NRG1: variants seen among roughly 807,000 people sequenced by gnomAD.
NRG1 encodes the protein neuregulin 1.
In NRG1, 18 loss-of-function variants were observed where a neutral mutation model predicts 63.8. The ratio of observed to expected loss-of-function variants is 0.28; its 90% confidence interval spans 0.19 to 0.42. The LOEUF is 0.42. NRG1 is among the 10% of genes least tolerant of loss of function. NRG1 has a pLI of 1.00. For synonymous variants in NRG1, 302 were observed against 301.3 expected (o/e 1.00, Z -0.02); for missense variants, 762 against 814.7 (o/e 0.94, Z 0.79).
intron 1 of NRG1, among the ~76,000 whole-genome samples, chr8:32,341,324 G>A (rs1804046553): frequency 6.6e-6 from 1 of 152,184 alleles, no homozygotes; most frequent in African/African-American, 2.4e-5. Flanking sequence ...CACTTAGCAG[G>A]CAGATGGAAA....
chr8:31,668,415 G>T (rs1355821334), intron 1 of NRG1, among the ~76,000 whole-genome samples: 1 of 152,156 alleles, frequency 6.6e-6, no homozygotes, highest in African/African-American at 2.4e-5. Context: ...TCCAGGATGG[G>T]TAGTAACAGA....
chr8:31,909,918 G>A (rs191776144), intron 1 of NRG1, among the ~76,000 whole-genome samples: 83 of 152,248 alleles, frequency 5.5e-4, no homozygotes, highest in African/African-American at 1.8e-3. Flanking sequence ...CACTCTTCGT[G>A]ATGTGAGGTC....
intron 8 of NRG1, among the ~76,000 whole-genome samples, chr8:32,755,571 G>A (rs961083626): frequency 4.6e-5 from 7 of 152,230 alleles, no homozygotes; most frequent in Middle Eastern, 3.4e-3. Context: ...CGTTACCAGA[G>A]TAGGAACATG....
chr8:32,321,510 G>GTT (rs540239875), intron 1 of NRG1, among the ~76,000 whole-genome samples: 2 of 143,528 alleles, frequency 1.4e-5, no homozygotes, highest in Non-Finnish European at 3.0e-5. Flanking sequence ...ACAGCAGTGG[G>GTT]TTTTTTTTTT....
chr8:31,798,003 G>A (rs1169952380), intron 1 of NRG1, among the ~76,000 whole-genome samples: 3 of 152,134 alleles, frequency 2.0e-5, no homozygotes, highest in Non-Finnish European at 2.9e-5. Flanking sequence ...GTAGTAGAGA[G>A]TAGAATTGTG....
chr8:31,911,949 A>T (rs187362594), intron 1 of NRG1, among the ~76,000 whole-genome samples: 434 of 152,302 alleles, frequency 2.8e-3, no homozygotes, highest in Non-Finnish European at 3.9e-3. Flanking sequence ...CTTGGTTTGC[A>T]GTCCCGGATT....
intron 1 of NRG1, among the ~76,000 whole-genome samples, chr8:32,389,195 C>T (rs1811406632): frequency 6.6e-6 from 1 of 152,106 alleles, no homozygotes; most frequent in African/African-American, 2.4e-5. Flanking sequence ...TGCGAAGAAA[C>T]GTAAACCAAA....
intron 1 of NRG1, among the ~76,000 whole-genome samples, chr8:31,773,142 G>T (rs944543729): frequency 2.0e-5 from 3 of 152,178 alleles, no homozygotes; most frequent in Non-Finnish European, 2.9e-5. Flanking sequence ...AGACAAACTT[G>T]CTCTGGTATT....
At chr8:32,562,065 G>A (rs936195906) in intron 1 of NRG1, among the ~76,000 whole-genome samples, 3 of 152,216 alleles carry the variant, frequency 2.0e-5, no homozygotes, top group Admixed American at 1.3e-4. Context: ...TTATAGCAGG[G>A]AGGAGCTTTG....
rs1820369496 is a variant in NRG1 at position 32,447,182 on chromosome 8, G to A, written c.38-148646G>A. Among the ~76,000 whole-genome samples the A allele has an allele frequency of 2.0e-5, 3 of 151,372 alleles. No individual in the cohort carries two copies. In the East Asian group the frequency reaches 5.9e-4, roughly 30 times the overall value. On this transcript the variant is annotated intron_variant, in intron 1 of 10. Transcript: ENST00000519301. ...TTACAGGCGCCCACCACCACACCCG[G>A]CTAATTTTTTTTTTGTATTTTTAGT...
intron 1 of NRG1, among the ~76,000 whole-genome samples, chr8:32,250,768 C>T (rs566375046): frequency 8.6e-5 from 13 of 151,852 alleles, no homozygotes; most frequent in Non-Finnish European, 1.9e-4. Context: ...TGGCAGATTC[C>T]TATAAATATT....
At chr8:32,346,403 A>C (rs183793294) in intron 1 of NRG1, among the ~76,000 whole-genome samples, 1 of 151,462 alleles carries the variant, frequency 6.6e-6, no homozygotes, top group Non-Finnish European at 1.5e-5. Context: ...CACTGTTAAC[A>C]TTTGTTATTT....
chr8:32,202,604 G>A (rs1843605727), intron 1 of NRG1, among the ~76,000 whole-genome samples: 1 of 152,096 alleles, frequency 6.6e-6, no homozygotes, highest in African/African-American at 2.4e-5. Flanking sequence ...AGACCTGAAG[G>A]CTGGTGAATG....
At chr8:32,263,404 G>A (rs1251518442) in intron 1 of NRG1, among the ~76,000 whole-genome samples, 3 of 152,126 alleles carry the variant, frequency 2.0e-5, no homozygotes, top group Non-Finnish European at 4.4e-5. Flanking sequence ...GGTAAGTCCA[G>A]GAAAGCGTGG....
At chr8:31,991,810 T>A (rs1811143504) in intron 1 of NRG1, among the ~76,000 whole-genome samples, 1 of 151,968 alleles carries the variant, frequency 6.6e-6, no homozygotes, top group Non-Finnish European at 1.5e-5. Context: ...TTCTTTCATT[T>A]TTTTCCCAAG....
chr8:32,048,293 A>G (rs1259319602), intron 1 of NRG1, among the ~76,000 whole-genome samples: 1 of 150,664 alleles, frequency 6.6e-6, no homozygotes, highest in East Asian at 1.9e-4. Flanking sequence ...ATACATGTAC[A>G]TATATATTCA....
At chr8:32,245,868 A>G (rs1385122687) in intron 1 of NRG1, among the ~76,000 whole-genome samples, 1 of 152,154 alleles carries the variant, frequency 6.6e-6, no homozygotes, top group Non-Finnish European at 1.5e-5. Context: ...AGATTTACCT[A>G]CAGTATCTAT....
At chr8:32,256,193 A>T (rs150616532) in intron 1 of NRG1, among the ~76,000 whole-genome samples, 1 of 152,240 alleles carries the variant, frequency 6.6e-6, no homozygotes, top group Non-Finnish European at 1.5e-5. Flanking sequence ...CTGTCAATTC[A>T]TCAAACTCAT....
At chr8:31,723,534 G>A (rs1813130604) in intron 1 of NRG1, among the ~76,000 whole-genome samples, 1 of 151,892 alleles carries the variant, frequency 6.6e-6, no homozygotes, top group African/African-American at 2.4e-5. Context: ...ATCATTACAC[G>A]CTACAGCCTC....
Sources: gnomAD v4.1 joint callset for allele counts (sites outside exome capture counted in the v4.1 genomes callset) on GRCh38, gnomAD v4.1.1 for gene constraint, MANE v1.5 for transcripts, NCBI Gene and HGNC (gene_info 2026-07-23, HGNC 2026-07-21) for gene names.